Variants in ZNF804A observed in about 807,000 individuals in gnomAD.
The protein encoded by ZNF804A is zinc finger protein 804A.
ZNF804A carries 2 observed loss-of-function variants against 16.5 expected under a neutral mutation model. The observed-to-expected ratio is 0.12, with a 90% confidence interval of 0.05 to 0.38. ZNF804A has a LOEUF of 0.38. ZNF804A is among the 10% of genes least tolerant of loss of function. The probability of loss-of-function intolerance (pLI) is 0.99; values close to 1 mark genes in which losing one functional copy is unlikely to be tolerated. For missense variants in ZNF804A, 1,473 were observed against 1,390.7 expected (o/e 1.06, Z -0.94); for synonymous variants, 534 against 489.6 (o/e 1.09, Z -1.20).
rs774111377 is a variant in ZNF804A, at chr2:184,937,817, G to C, written c.2421G>C (p.Lys807Asn). ...CAAGTACTTCAGTTGCTCCCTGCAA[G>C]CCTAAAAAGAAACGGAGGCGAAAAA... ...RPPSTSVAPC[K>N]PKKKRRRKRG... Residue 807 changes from lysine (K) to asparagine (N), a missense_variant, in exon 4 of 4, where the codon AAG becomes AAC. Physicochemically the swap from Lys to Asn is moderately conservative, Grantham distance 94. Coordinates refer to ENST00000302277, the MANE Select transcript of ZNF804A (RefSeq NM_194250.2). 3.1e-6 allele frequency: 5 copies of C among 1,614,052 alleles called. No individual in the cohort carries two copies. Among genetic ancestry groups the C allele is most frequent in the Non-Finnish European group, 3.4e-6 (4 of 1,179,976 alleles).
At chr2:184,771,909 C>T (rs1056849804) in intron 1 of ZNF804A, among the ~76,000 whole-genome samples, 5 of 152,086 alleles carry the variant, frequency 3.3e-5, no homozygotes, top group South Asian at 2.1e-4. Context: ...TTATGAGAGT[C>T]GTATCCTATC....
chr2:184,816,999 AGTAC>A (rs1694993317), intron 1 of ZNF804A, among the ~76,000 whole-genome samples: 1 of 152,008 alleles, frequency 6.6e-6, no homozygotes, highest in South Asian at 2.1e-4. Context: ...TTAGCAGATC[AGTAC>A]GTTATTAATA....
intron 1 of ZNF804A, among the ~76,000 whole-genome samples, chr2:184,620,356 A>T (rs1412274078): frequency 6.6e-6 from 1 of 151,860 alleles, no homozygotes; most frequent in Non-Finnish European, 1.5e-5. Flanking sequence ...TCTGCAAATC[A>T]GTTCATAAAA....
intron 1 of ZNF804A, among the ~76,000 whole-genome samples, chr2:184,794,632 A>G (rs1158745592): frequency 6.6e-6 from 1 of 152,136 alleles, no homozygotes; most frequent in Non-Finnish European, 1.5e-5. Flanking sequence ...AAATAGCATG[A>G]TGAATGTAAT....
intron 1 of ZNF804A, among the ~76,000 whole-genome samples, chr2:184,664,279 G>T (rs1049733027): frequency 6.6e-6 from 1 of 152,088 alleles, no homozygotes; most frequent in Non-Finnish European, 1.5e-5. Context: ...ATGTGTGTCA[G>T]AAATTTTTAT....
At chr2:184,885,292 AG>A (rs1376029621) in intron 2 of ZNF804A, among the ~76,000 whole-genome samples, 2 of 152,366 alleles carry the variant, frequency 1.3e-5, no homozygotes, top group African/African-American at 4.8e-5. Context: ...GATTTCTCAA[AG>A]AACTGAAAGC....
intron 1 of ZNF804A, among the ~76,000 whole-genome samples, chr2:184,737,356 C>T (rs1002744008): frequency 4.6e-5 from 7 of 151,806 alleles, no homozygotes; most frequent in Non-Finnish European, 8.8e-5. Context: ...CCACTGCGAC[C>T]GGCTTTACTA....
chr2:184,704,098 G>A (rs1692979032), intron 1 of ZNF804A, among the ~76,000 whole-genome samples: 1 of 151,902 alleles, frequency 6.6e-6, no homozygotes, highest in East Asian at 1.9e-4. Flanking sequence ...TGAATCTATA[G>A]TAATGATTGG....
At chr2:184,792,691 A>AT (rs34368578) in intron 1 of ZNF804A, among the ~76,000 whole-genome samples, 14 of 151,874 alleles carry the variant, frequency 9.2e-5, no homozygotes, top group Admixed American at 5.2e-4. Context: ...TTCATCAATA[A>AT]TTTTTTTACT....
At chr2:184,646,408 G>A (rs1400996066) in intron 1 of ZNF804A, among the ~76,000 whole-genome samples, 1 of 152,180 alleles carries the variant, frequency 6.6e-6, no homozygotes, top group African/African-American at 2.4e-5. Context: ...GCTCCCTTGA[G>A]ATGTTGGTGC....
At chr2:184,899,913 T>C (rs1461658185) in intron 2 of ZNF804A, among the ~76,000 whole-genome samples, 1 of 152,014 alleles carries the variant, frequency 6.6e-6, no homozygotes, top group Non-Finnish European at 1.5e-5. Context: ...GAAAATGAGA[T>C]ACATTTTTAA....
At chr2:184,794,158 T>G (rs1694594063) in intron 1 of ZNF804A, among the ~76,000 whole-genome samples, 1 of 152,162 alleles carries the variant, frequency 6.6e-6, no homozygotes, top group South Asian at 2.1e-4. Flanking sequence ...CTGTTTTCCA[T>G]AGCGGTTGTA....
intron 2 of ZNF804A, among the ~76,000 whole-genome samples, chr2:184,867,030 TTGAG>T (rs974367079): frequency 6.6e-6 from 1 of 151,830 alleles, no homozygotes; most frequent in African/African-American, 2.4e-5. Flanking sequence ...AGGTTATTGA[TTGAG>T]TACTTAATAT....
intron 1 of ZNF804A, among the ~76,000 whole-genome samples, chr2:184,792,118 A>G (rs1694553663): frequency 6.6e-6 from 1 of 152,182 alleles, no homozygotes; most frequent in African/African-American, 2.4e-5. Flanking sequence ...TAAAGCCACT[A>G]TAAACATTTG....
intron 2 of ZNF804A, among the ~76,000 whole-genome samples, chr2:184,902,868 C>A (rs1420336299): frequency 6.6e-6 from 1 of 152,138 alleles, no homozygotes; most frequent in East Asian, 1.9e-4. Context: ...TGTGCTAATA[C>A]TTTGCCTAAG....
At chr2:184,855,912 C>G (rs1369634438) in intron 1 of ZNF804A, among the ~76,000 whole-genome samples, 1 of 152,048 alleles carries the variant, frequency 6.6e-6, no homozygotes, top group African/African-American at 2.4e-5. Flanking sequence ...TCCTCAGAAA[C>G]AGACCTCCAG....
intron 1 of ZNF804A, among the ~76,000 whole-genome samples, chr2:184,861,906 C>G (rs549785341): frequency 6.6e-6 from 1 of 152,230 alleles, no homozygotes; most frequent in African/African-American, 2.4e-5. Context: ...GATTTTATAA[C>G]TTGAAGGTAT....
At position 184,688,416 on chromosome 2, in the gene ZNF804A, A is replaced by T. The variant is rs1202547111; in HGVS notation, c.111+89346A>T. On this transcript the variant is annotated intron_variant, in intron 1 of 3. Coordinates refer to ENST00000302277, the MANE Select transcript of ZNF804A (RefSeq NM_194250.2). ...AGCAATACATTTTAATATTTGGTAT[A>T]TATAATCTATAATATTTCAAAGAAT... Among the ~76,000 whole-genome samples the T allele has an allele frequency of 4.6e-5, 7 of 152,042 alleles. No individual in the cohort carries two copies. In the East Asian group the frequency reaches 1.2e-3, roughly 25 times the overall value.
At chr2:184,696,080 A>T (rs753385275) in intron 1 of ZNF804A, among the ~76,000 whole-genome samples, 12 of 152,178 alleles carry the variant, frequency 7.9e-5, no homozygotes, top group Non-Finnish European at 1.8e-4. Context: ...CACTTCTATA[A>T]TGTAATTTCG....
Sources: gnomAD v4.1 joint callset for allele counts (sites outside exome capture counted in the v4.1 genomes callset) on GRCh38, gnomAD v4.1.1 for gene constraint, MANE v1.5 for transcripts, NCBI Gene and HGNC (gene_info 2026-07-23, HGNC 2026-07-21) for gene names.